POFUT1: variants seen among roughly 807,000 people sequenced by gnomAD.
POFUT1 encodes the protein protein O-fucosyltransferase 1, also known as GDP-fucose protein O-fucosyltransferase 1.
POFUT1 carries 16 observed loss-of-function variants against 42.4 expected under a neutral mutation model. That is an observed-to-expected ratio of 0.38 (90% CI 0.26 to 0.57). The LOEUF is 0.57. Ranked by LOEUF, POFUT1 falls within the 20% of genes least tolerant of loss-of-function variation. The pLI is 0.71. For synonymous variants in POFUT1, 206 were observed against 205.4 expected (o/e 1.00, Z -0.03); for missense variants, 470 against 504.6 (o/e 0.93, Z 0.66).
chr20:32,226,931 A>G (rs916114086), intron 4 of POFUT1, among the ~76,000 whole-genome samples: 17 of 152,204 alleles, frequency 1.1e-4, no homozygotes, highest in Non-Finnish European at 1.8e-4. Context: ...TTGTGTGAAC[A>G]TAAGTTTTCA....
intron 3 of POFUT1, 100 bp downstream of exon 3, chr20:32,215,551 CT>C: frequency 9.8e-7 from 1 of 1,020,642 alleles, no homozygotes; most frequent in South Asian, 1.7e-5. Flanking sequence ...ACCAGAAGGA[CT>C]TAGAATAGAA....
intron 5 of POFUT1, among the ~76,000 whole-genome samples, chr20:32,229,846 T>C (rs531524335): frequency 9.8e-4 from 148 of 150,994 alleles, no homozygotes; most frequent in African/African-American, 3.5e-3. Context: ...AAAATCACAG[T>C]TCACCGCATC....
rs1346920101 is a variant in POFUT1 at position 32,231,158 on chromosome 20, A to C, written c.978+97A>C. 2.1e-6 allele frequency: 3 copies of C among 1,396,090 alleles called. No individual in the cohort carries two copies. The African/African-American group carries it at 4.2e-5, about 20-fold the overall frequency. 86.5% of individuals were successfully genotyped at this position (1,396,090 alleles called of 1,614,324 possible). On this transcript the variant is annotated intron_variant, in intron 6 of 6. Coordinates refer to ENST00000375749, the MANE Select transcript of POFUT1 (RefSeq NM_015352.2). ...CTGCATGCTTCACGGGCTCCCCTAC[A>C]AGCCTTTTGCCTGGACCTACCATTC...
At chr20:32,225,889 A>T (rs763461680) in intron 4 of POFUT1, among the ~76,000 whole-genome samples, 1 of 152,214 alleles carries the variant, frequency 6.6e-6, no homozygotes, top group Non-Finnish European at 1.5e-5. Context: ...CAGAGTGGTA[A>T]AGTCACCTGC....
chr20:32,234,498 AG>A lies in POFUT1; in HGVS notation c.1006del (p.Val336TrpfsTer27). The A allele has an allele frequency of 6.2e-7, 1 of 1,611,112 alleles. No homozygotes were observed. The highest frequency in any genetic ancestry group is 8.5e-7 in the Non-Finnish European group (1 of 1,178,452). ...GKVKVVSLKP[E>X]VAQVDLYILG... is the part of the protein sequence containing the mutation. The stretch of plus-strand genomic sequence containing the variant: ...GTGAAGGTGGTGAGCCTGAAGCCTG[AG>A]GTGGCCCAGGTCGACCTGTACATCC... On this transcript the variant is annotated frameshift_variant, in exon 7 of 7. Coordinates refer to ENST00000375749, the MANE Select transcript of POFUT1 (RefSeq NM_015352.2). LOFTEE classifies it high-confidence loss of function.
In POFUT1 at chr20:32,234,532, A is replaced by T. The variant is rs1323799275; in HGVS notation, c.1038A>T (p.Gln346His). The T allele has an allele frequency of 8.1e-6, 13 of 1,614,158 alleles. No individual in the cohort carries two copies. Among genetic ancestry groups the T allele is most frequent in the African/African-American group, 1.3e-5 (1 of 75,082 alleles). Residue 346 changes from glutamine to histidine, a missense_variant, in exon 7 of 7, where the codon CAA becomes CAT. Transcript: ENST00000375749. ...AGGTCGACCTGTACATCCTCGGCCA[A>T]GCCGACCACTTTATTGGCAACTGTG... ...VAQVDLYILGQADHFIGNCVS... is the reference protein window; with the variant it reads ...VAQVDLYILGHADHFIGNCVS...
intron 4 of POFUT1, among the ~76,000 whole-genome samples, chr20:32,224,541 T>C (rs1245547816): frequency 6.6e-6 from 1 of 152,158 alleles, no homozygotes; most frequent in East Asian, 1.9e-4. Context: ...AACAGGCTGC[T>C]TGGGTCCCCA....
Position 32,217,705 on chromosome 20 carries a change from A to G in POFUT1, c.542+984A>G, listed in dbSNP as rs552520174. 3.7e-5 allele frequency: 36 copies of G among 985,472 alleles called. No individual in the cohort carries two copies. The East Asian group carries it at 3.3e-3, about 90-fold the overall frequency. 61.0% of individuals were successfully genotyped at this position (985,472 alleles called of 1,614,324 possible). A position where few individuals can be genotyped will look rare whatever the true frequency, so the allele number is the denominator to read the frequency against. ...ATGAAGTGCATGTCATACACTAAGC[A>G]GCCAGCCAGTGTTGGCTGTCAGTGT... On this transcript the variant is annotated intron_variant, in intron 4 of 6. Coordinates refer to ENST00000375749, the MANE Select transcript of POFUT1 (RefSeq NM_015352.2).
chr20:32,226,381 A>G (rs1471950686), intron 4 of POFUT1, among the ~76,000 whole-genome samples: 1 of 152,076 alleles, frequency 6.6e-6, no homozygotes, highest in Non-Finnish European at 1.5e-5. Context: ...CAACCAGGAT[A>G]TTGACATTGA....
At position 32,238,014 on chromosome 20, in the gene POFUT1, T is replaced by C. The variant is rs2047481229; in HGVS notation, c.*3353T>C. The C allele has an allele frequency of 1.4e-5, 5 of 347,492 alleles. No individual in the cohort carries two copies. Among genetic ancestry groups the C allele is most frequent in the South Asian group, 1.1e-4 (5 of 44,864 alleles). The allele number at this position is 347,492 out of a possible 1,614,324, so 21.5% of individuals were successfully genotyped here. On this transcript the variant is annotated 3_prime_UTR_variant, in exon 7 of 7. Transcript: ENST00000375749. ...TTTTACTTAATAGTGTATCATGTTT[T>C]CCCTGTTGGTATGTAGCCTGGATAA...
Position 32,215,387 on chromosome 20 carries a change from GGGTGGCATACTGCTTTGA to G in POFUT1, c.373_390del (p.Tyr125_Ala130del). 6.2e-7 allele frequency: 1 copy of G among 1,614,036 alleles called. No homozygotes were observed. ...CCCACCCACTGGCCCCCTGAGAAGC[GGGTGGCATACTGCTTTGA>G]GGTGGCAGCCCAGCGAAGCCCAGAT... On this transcript the variant is annotated inframe_deletion, in exon 3 of 7. Transcript: ENST00000375749.
At chr20:32,214,528 T>C (rs761143615) in intron 2 of POFUT1, among the ~76,000 whole-genome samples, 1 of 152,188 alleles carries the variant, frequency 6.6e-6, no homozygotes, top group Non-Finnish European at 1.5e-5. Context: ...GAGTGCGCAT[T>C]TCCCCACAAG....
At chr20:32,211,001 T>A (rs1002650802) in intron 2 of POFUT1, among the ~76,000 whole-genome samples, 1 of 152,218 alleles carries the variant, frequency 6.6e-6, no homozygotes, top group Non-Finnish European at 1.5e-5. Flanking sequence ...AAAGCCAGAG[T>A]ACCAGAGATC....
At chr20:32,209,947 G>T in intron 1 of POFUT1, 124 bp from the exon 2 acceptor site, 1 of 1,005,066 alleles carries the variant, frequency 9.9e-7, no homozygotes, top group Non-Finnish European at 1.5e-6. Context: ...TATGCTGCCA[G>T]CTCCCCTAGT....
Position 32,237,566 on chromosome 20 carries a change from G to C in POFUT1, c.*2905G>C, listed in dbSNP as rs944268817. ...GAGAGGCAGGCATAGGCAGGGAACCGAGCAGCAGGTCAGAGCAGGCGAGCT... is the reference window on the plus strand; with the variant it reads ...GAGAGGCAGGCATAGGCAGGGAACCCAGCAGCAGGTCAGAGCAGGCGAGCT... On this transcript the variant is annotated 3_prime_UTR_variant, in exon 7 of 7. Transcript: ENST00000375749. 16 of 245,772 alleles carry C rather than the reference G, an allele frequency of 6.5e-5. No individual in the cohort carries two copies. The highest frequency in any genetic ancestry group is 5.3e-4 in the Admixed American group (12 of 22,458). The allele number at this position is 245,772 out of a possible 1,614,324, so 15.2% of individuals were successfully genotyped here. A position where few individuals can be genotyped will look rare whatever the true frequency, so the allele number is the denominator to read the frequency against.
intron 6 of POFUT1, chr20:32,231,300 A>G (rs1469942618): frequency 1.2e-5 from 6 of 511,870 alleles, no homozygotes; most frequent in Non-Finnish European, 2.1e-5. Context: ...GTGGCCCTAT[A>G]TCATTTCTTC....
Position 32,237,536 on chromosome 20 carries a change from G to A in POFUT1, c.*2875G>A, listed in dbSNP as rs910496059. ...TGAAGAGCAGCCAGGAGGCCAGCAT[G>A]GCTGGAGAGGCAGGCATAGGCAGGG... On this transcript the variant is annotated 3_prime_UTR_variant, in exon 7 of 7. Transcript: ENST00000375749. 1 of 237,684 alleles carries A rather than the reference G, an allele frequency of 4.2e-6. No homozygotes were observed. Among genetic ancestry groups the A allele is most frequent in the Non-Finnish European group, 8.8e-6 (1 of 113,456 alleles). 14.7% of individuals were successfully genotyped at this position (237,684 alleles called of 1,614,324 possible).
At chr20:32,228,162 G>A in intron 4 of POFUT1, 101 bp from the exon 5 acceptor site, 1 of 880,702 alleles carries the variant, frequency 1.1e-6, no homozygotes, top group Non-Finnish European at 1.7e-6. Context: ...CCCCTCCGCA[G>A]GGTCTCTGGG....
rs1353544607 is a variant in POFUT1, at chr20:32,215,254, C to A, written c.247-15C>A. On this transcript the variant is annotated splice_polypyrimidine_tract_variant and intron_variant, in intron 2 of 6. Coordinates refer to ENST00000375749, the MANE Select transcript of POFUT1 (RefSeq NM_015352.2). ...GGGCACTGAGACGGGACCTCTGCTC[C>A]TCCTTTTCCTGTAGCTCCATGTGTC... 6.3e-7 allele frequency: 1 copy of A among 1,598,422 alleles called. No individual in the cohort carries two copies. Among genetic ancestry groups the A allele is most frequent in the Non-Finnish European group, 8.6e-7 (1 of 1,167,018 alleles).
Sources: allele counts gnomAD v4.1 joint callset (sites outside exome capture counted in the v4.1 genomes callset), GRCh38; gene constraint gnomAD v4.1.1; transcripts MANE v1.5; gene names NCBI Gene and HGNC (gene_info 2026-07-23, HGNC 2026-07-21).